SYNE1: variants seen among roughly 807,000 people sequenced by gnomAD.
SYNE1 encodes nesprin-1.
Under a neutral mutation model 1,111.0 loss-of-function variants are expected in SYNE1, and 616 were observed. The observed-to-expected ratio is 0.55, with a 90% CI of 0.52 to 0.59. The LOEUF is 0.59. SYNE1 is among the 20% of genes least tolerant of loss of function. The pLI is 0.00. For missense variants in SYNE1, 10,006 were observed against 10,417.0 expected, an observed-to-expected ratio of 0.96 and a Z score of 1.72; for synonymous variants, 3,855 against 3,825.8, an observed-to-expected ratio of 1.01 and a Z score of -0.28.
At position 152,381,149 on chromosome 6, in the gene SYNE1, G is replaced by A. The variant is rs886042954; in HGVS notation, c.8866C>T (p.Gln2956Ter). 6.2e-6 allele frequency: 10 copies of A among 1,614,146 alleles called. No homozygotes were observed. Among genetic ancestry groups the A allele is most frequent in the Non-Finnish European group, 8.5e-6 (10 of 1,180,032 alleles). ...NLVSQMALSE[Q>*]EFSGQVAQLE... ...TGAGCCACTTGGCCTGAGAATTCCTGCTCCGAAAGGGCCATCTGGCTGACC... is the reference window on the plus strand; with the variant it reads ...TGAGCCACTTGGCCTGAGAATTCCTACTCCGAAAGGGCCATCTGGCTGACC... The change falls in exon 56 of 146, where the codon CAG (glutamine) becomes TAG (stop). Residue 2956 changes from glutamine (Q) to a stop codon, truncating the protein, a stop_gained. Coordinates refer to ENST00000367255, the MANE Select transcript of SYNE1 (RefSeq NM_182961.4). LOFTEE classifies it high-confidence loss of function.
At chr6:152,354,571 G>T in intron 67 of SYNE1, 88 bp downstream of exon 67, 1 of 1,526,776 alleles carries the variant, frequency 6.5e-7, no homozygotes, top group Non-Finnish European at 9.1e-7. Context: ...CCTAAGCTTT[G>T]GATAAAAGTT....
At chr6:152,454,097 T>C (rs169974) in intron 24 of SYNE1, among the ~76,000 whole-genome samples, 79,624 of 151,960 alleles carry the variant, frequency 0.52, 22,756 homozygotes, top group East Asian at 0.76. Flanking sequence ...AGGACTAAGC[T>C]TCATAATTCC....
chr6:152,348,768 T>C (rs951252049), intron 72 of SYNE1, among the ~76,000 whole-genome samples: 2 of 151,544 alleles, frequency 1.3e-5, no homozygotes, highest in Non-Finnish European at 2.9e-5. Context: ...TCCTGTTATA[T>C]GATGCTAATG....
At chr6:152,566,423 A>C (rs2128267218) in intron 3 of SYNE1, among the ~76,000 whole-genome samples, 1 of 152,292 alleles carries the variant, frequency 6.6e-6, no homozygotes, top group South Asian at 2.1e-4. Flanking sequence ...CACATTAAAA[A>C]AAAATAGCAG....
rs995747337 is a variant in SYNE1, at chr6:152,343,943, G to C, written c.12225+138C>G. ...TCTGGCTGGCACATGAACTCCACTA[G>C]AGCCAACCTCAGACCTTCTTCCTAC... On this transcript the variant is annotated intron_variant, in intron 74 of 145. Transcript: ENST00000367255. 20 of 1,242,664 alleles carry C rather than the reference G, an allele frequency of 1.6e-5. No individual in the cohort carries two copies. In the Admixed American group the frequency reaches 2.1e-4, roughly 13 times the overall value. 77.0% of individuals were successfully genotyped at this position (1,242,664 alleles called of 1,614,324 possible).
At chr6:152,423,462 T>C (rs1467025311) in intron 39 of SYNE1, among the ~76,000 whole-genome samples, 1 of 152,184 alleles carries the variant, frequency 6.6e-6, no homozygotes, top group Non-Finnish European at 1.5e-5. Context: ...ACACACACTA[T>C]ACATTGACTC....
intron 3 of SYNE1, among the ~76,000 whole-genome samples, chr6:152,573,389 T>A (rs1029365410): frequency 1.4e-5 from 2 of 142,592 alleles, no homozygotes; most frequent in Non-Finnish European, 3.0e-5. Flanking sequence ...TGTCCATGTG[T>A]TCTCATTGTT....
At chr6:152,451,007 A>T (rs755754220) in intron 26 of SYNE1, 40 bp downstream of exon 26, 2 of 1,613,270 alleles carry the variant, frequency 1.2e-6, no homozygotes, top group Non-Finnish European at 1.7e-6. Flanking sequence ...GAACAATGTG[A>T]CTTGACACGG....
At chr6:152,595,510 C>A (rs897553843) in intron 3 of SYNE1, among the ~76,000 whole-genome samples, 15 of 152,192 alleles carry the variant, frequency 9.9e-5, no homozygotes, top group African/African-American at 3.4e-4. Flanking sequence ...ACACCCCTAT[C>A]TCAAGTAGGA....
chr6:152,244,439 G>C, intron 106 of SYNE1, 98 bp downstream of exon 106: 1 of 1,592,688 alleles, frequency 6.3e-7, no homozygotes, highest in Non-Finnish European at 8.6e-7. Flanking sequence ...TAAGTGGCGT[G>C]AATTTTATAA....
intron 2 of SYNE1, among the ~76,000 whole-genome samples, chr6:152,632,426 A>T (rs1318524456): frequency 6.6e-6 from 1 of 152,190 alleles, no homozygotes; most frequent in Non-Finnish European, 1.5e-5. Flanking sequence ...CTTTTTACTG[A>T]TACTTTATCT....
At chr6:152,418,038 T>C (rs1370932244) in intron 40 of SYNE1, among the ~76,000 whole-genome samples, 1 of 152,184 alleles carries the variant, frequency 6.6e-6, no homozygotes, top group East Asian at 1.9e-4. Flanking sequence ...TAAATAGAAA[T>C]TATCACCTAT....
intron 70 of SYNE1, among the ~76,000 whole-genome samples, chr6:152,351,775 G>A (rs189982134): frequency 1.3e-5 from 2 of 152,296 alleles, no homozygotes; most frequent in East Asian, 3.9e-4. Flanking sequence ...TTGATTGACA[G>A]ATACGTACAA....
intron 133 of SYNE1, 69 bp downstream of exon 133, chr6:152,154,823 G>C (rs2061085472): frequency 6.4e-7 from 1 of 1,570,896 alleles, no homozygotes; most frequent in Non-Finnish European, 8.8e-7. Flanking sequence ...TTTAGGTCTT[G>C]GAACTCCAAC....
intron 49 of SYNE1, among the ~76,000 whole-genome samples, chr6:152,397,725 G>T (rs574208203): frequency 6.6e-6 from 1 of 152,004 alleles, no homozygotes; most frequent in Non-Finnish European, 1.5e-5. Flanking sequence ...TATTTTGGCC[G>T]GGCATGGTGG....
intron 140 of SYNE1, among the ~76,000 whole-genome samples, chr6:152,138,577 A>C (rs1477123334): frequency 1.3e-5 from 2 of 151,830 alleles, no homozygotes; most frequent in Non-Finnish European, 2.9e-5. Flanking sequence ...AAAATCACAC[A>C]ATCACTAAAA....
intron 3 of SYNE1, among the ~76,000 whole-genome samples, chr6:152,541,801 T>G (rs1323855347): frequency 2.0e-5 from 3 of 151,408 alleles, no homozygotes; most frequent in Non-Finnish European, 4.4e-5. Context: ...ACATTGATTT[T>G]GTATCCTGGG....
At chr6:152,343,491 T>G (rs2096575981) in intron 74 of SYNE1, among the ~76,000 whole-genome samples, 1 of 149,978 alleles carries the variant, frequency 6.7e-6, no homozygotes, top group Admixed American at 6.6e-5. Context: ...TTCTTTTTAA[T>G]AGTTTATTTT....
At chr6:152,212,948 T>C (rs2077805166) in intron 123 of SYNE1, among the ~76,000 whole-genome samples, 1 of 152,154 alleles carries the variant, frequency 6.6e-6, no homozygotes. Context: ...CTGAATTAAG[T>C]TTTTCTTTTC....
Sources: allele counts gnomAD v4.1 joint callset (sites outside exome capture counted in the v4.1 genomes callset), GRCh38; gene constraint gnomAD v4.1.1; transcripts MANE v1.5; gene names NCBI Gene and HGNC (gene_info 2026-07-23, HGNC 2026-07-21).